TCAF1: variants seen among roughly 807,000 people sequenced by gnomAD.
TCAF1 encodes TRPM8 channel associated factor 1.
A neutral mutation model predicts 27.3 loss-of-function variants in TCAF1; 4 were observed. That is an observed-to-expected ratio of 0.15 (90% CI 0.07 to 0.34). The LOEUF (loss-of-function observed/expected upper bound fraction) is 0.34. Ranked by LOEUF, TCAF1 falls within the 10% of genes least tolerant of loss-of-function variation. The probability of loss-of-function intolerance (pLI) is 1.00; values close to 1 mark genes in which losing one functional copy is unlikely to be tolerated. For missense variants in TCAF1, 257 were observed against 425.8 expected, an observed-to-expected ratio of 0.60 and a Z score of 3.49; for synonymous variants, 105 against 167.1, an observed-to-expected ratio of 0.63 and a Z score of 2.87.
intron 1 of TCAF1, among the ~76,000 whole-genome samples, chr7:143,898,152 T>C (rs1813971188): frequency 6.6e-6 from 1 of 152,104 alleles, no homozygotes; most frequent in Non-Finnish European, 1.5e-5. Context: ...TGAAAAAACA[T>C]CCATTTATAA....
intron 1 of TCAF1, among the ~76,000 whole-genome samples, chr7:143,888,267 G>T (rs1265889941): frequency 6.6e-6 from 1 of 152,100 alleles, no homozygotes; most frequent in African/African-American, 2.4e-5. Context: ...CTAAAAGCAG[G>T]AAACATTGAA....
At chr7:143,876,931 T>C (rs1812751253) in intron 1 of TCAF1, among the ~76,000 whole-genome samples, 1 of 152,232 alleles carries the variant, frequency 6.6e-6, no homozygotes, top group East Asian at 1.9e-4. Context: ...TCCTAACCCA[T>C]AGGACTTATT....
intron 1 of TCAF1, among the ~76,000 whole-genome samples, chr7:143,883,471 T>G (rs1307142658): frequency 6.6e-6 from 1 of 151,590 alleles, no homozygotes; most frequent in Non-Finnish European, 1.5e-5. Flanking sequence ...CGGTGTACAG[T>G]TCAAATCGCA....
intron 1 of TCAF1, among the ~76,000 whole-genome samples, chr7:143,890,388 C>A (rs2116849144): frequency 6.6e-6 from 1 of 152,250 alleles, no homozygotes; most frequent in South Asian, 2.1e-4. Flanking sequence ...TCACTGCTTA[C>A]AAAAGTGTCT....
rs1277009829 is a variant in TCAF1 at position 143,859,953 on chromosome 7, TTACGG to T, written c.2167+250_2167+254del. On this transcript the variant is annotated intron_variant, in intron 6 of 8. Transcript: ENST00000479870. ...TATAATATATATTATATAATATATA[TTACGG>T]AATATATATTATATAATATATATTA... 4.0e-4 allele frequency among the ~76,000 whole-genome samples: 15 copies of T among 37,456 alleles called. 1 individual carries two copies. Among genetic ancestry groups the T allele is most frequent in the Non-Finnish European group, 7.7e-4 (14 of 18,092 alleles). The allele number at this position is 37,456 out of a possible 152,430, so 24.6% of individuals were successfully genotyped here.
intron 1 of TCAF1, chr7:143,882,643 C>T (rs1198158939): frequency 5.9e-5 from 45 of 756,746 alleles, no homozygotes; most frequent in Non-Finnish European, 6.6e-5. Context: ...GCCCCGGCCT[C>T]CCGCCCTGCC....
At chr7:143,898,939 C>T (rs1248004380) in intron 1 of TCAF1, among the ~76,000 whole-genome samples, 4 of 152,296 alleles carry the variant, frequency 2.6e-5, no homozygotes, top group South Asian at 2.1e-4. Flanking sequence ...CCTCCTTTTA[C>T]ACTCTCTTTC....
chr7:143,894,670 C>G (rs973330086), intron 1 of TCAF1, among the ~76,000 whole-genome samples: 4 of 151,572 alleles, frequency 2.6e-5, no homozygotes, highest in Non-Finnish European at 4.4e-5. Flanking sequence ...CAATACAACT[C>G]AAGTCCTAAG....
At chr7:143,872,230 C>G (rs1384060365) in intron 2 of TCAF1, among the ~76,000 whole-genome samples, 3 of 151,888 alleles carry the variant, frequency 2.0e-5, no homozygotes, top group African/African-American at 7.3e-5. Flanking sequence ...CTTAAAAAAT[C>G]TAAAAAAGGG....
chr7:143,897,106 A>G (rs1319077790), intron 1 of TCAF1, among the ~76,000 whole-genome samples: 7 of 140,544 alleles, frequency 5.0e-5, no homozygotes, highest in African/African-American at 1.8e-4. Context: ...AGGATTTTAT[A>G]AACAGTTTTA....
chr7:143,897,667 A>G (rs1317333787), intron 1 of TCAF1, among the ~76,000 whole-genome samples: 1 of 152,110 alleles, frequency 6.6e-6, no homozygotes, highest in Non-Finnish European at 1.5e-5. Flanking sequence ...AAATTGTTAA[A>G]TATCTTGGAA....
intron 1 of TCAF1, among the ~76,000 whole-genome samples, chr7:143,894,487 A>G (rs1284688292): frequency 6.6e-6 from 1 of 151,858 alleles, no homozygotes; most frequent in East Asian, 1.9e-4. Flanking sequence ...TGCCTTTTCA[A>G]TAAGTAGTTC....
chr7:143,878,061 C>G (rs1476401590), intron 1 of TCAF1, among the ~76,000 whole-genome samples: 1 of 152,162 alleles, frequency 6.6e-6, no homozygotes, highest in Non-Finnish European at 1.5e-5. Flanking sequence ...CAACACATCT[C>G]AGATTTAGTT....
chr7:143,882,841 G>A (rs1367752847), intron 1 of TCAF1: 3 of 985,654 alleles, frequency 3.0e-6, no homozygotes, highest in Non-Finnish European at 3.6e-6. Flanking sequence ...CTGGGCGACC[G>A]AGCCGGGATT....
At chr7:143,875,861 G>T in intron 2 of TCAF1, 128 bp downstream of exon 2, 1 of 770,366 alleles carries the variant, frequency 1.3e-6, no homozygotes, top group Non-Finnish European at 2.0e-6. Context: ...AAATCTAGTT[G>T]ATATGTAGTG....
intron 1 of TCAF1, among the ~76,000 whole-genome samples, chr7:143,891,867 G>A (rs975705352): frequency 3.7e-4 from 56 of 152,030 alleles, no homozygotes; most frequent in African/African-American, 1.4e-3. Flanking sequence ...AATCTGAAAA[G>A]CAGCCAGAGA....
At chr7:143,874,618 T>C (rs1017511414) in intron 2 of TCAF1, among the ~76,000 whole-genome samples, 3 of 150,656 alleles carry the variant, frequency 2.0e-5, no homozygotes, top group African/African-American at 7.3e-5. Flanking sequence ...CTGAAAAATG[T>C]CCTACAAGGG....
chr7:143,888,416 C>A (rs950491208), intron 1 of TCAF1, among the ~76,000 whole-genome samples: 10 of 152,148 alleles, frequency 6.6e-5, no homozygotes, highest in African/African-American at 2.4e-4. Flanking sequence ...AAAATGACAT[C>A]CCAGCACAAA....
intron 1 of TCAF1, chr7:143,882,639 G>GCAACC: frequency 1.0e-6 from 1 of 967,824 alleles, no homozygotes; most frequent in Non-Finnish European, 1.2e-6. Flanking sequence ...CCCCGCCCCG[G>GCAACC]CCTCCCGCCC....
Sources: allele counts gnomAD v4.1 joint callset (sites outside exome capture counted in the v4.1 genomes callset), GRCh38; gene constraint gnomAD v4.1.1; transcripts MANE v1.5; gene names NCBI Gene and HGNC (gene_info 2026-07-23, HGNC 2026-07-21).